Variants in ABTB3 observed in about 807,000 individuals in gnomAD.
ABTB3 encodes the protein ankyrin repeat and BTB domain containing 3, also known as ankyrin repeat- and BTB/POZ domain-containing protein 3.
At chr12:107,469,249 G>T in the ABTB3 span, among the ~76,000 whole-genome samples, 1 of 152,170 alleles carries the variant, frequency 6.6e-6, no homozygotes, top group South Asian at 2.1e-4. Context: ...TGGGTGGTTG[G>T]CTCCCAAAAC....
chr12:107,378,006 C>G, the ABTB3 span, among the ~76,000 whole-genome samples: 3 of 152,148 alleles, frequency 2.0e-5, no homozygotes, highest in Non-Finnish European at 4.4e-5. Flanking sequence ...GGGAACCATG[C>G]AAAGCGAAAA....
the ABTB3 span, among the ~76,000 whole-genome samples, chr12:107,412,495 A>G: frequency 1.3e-5 from 2 of 152,220 alleles, no homozygotes; most frequent in African/African-American, 4.8e-5. Flanking sequence ...TAACCGAGGA[A>G]CACGGAAACG....
chr12:107,477,564 G>A, the ABTB3 span, among the ~76,000 whole-genome samples: 1 of 152,120 alleles, frequency 6.6e-6, no homozygotes, highest in Non-Finnish European at 1.5e-5. Context: ...CCGCCATATA[G>A]GTGGACCTGG....
the ABTB3 span, among the ~76,000 whole-genome samples, chr12:107,635,850 A>ACCCCCCCCCCCCCCCCCCCCCCC: frequency 1.8e-5 from 1 of 56,616 alleles, no homozygotes; most frequent in Admixed American, 2.4e-4. Flanking sequence ...GGGAGGAACA[A>ACCCCCCCCCCCCCCCCCCCCCCC]CCCCCCCCCC....
the ABTB3 span, among the ~76,000 whole-genome samples, chr12:107,629,813 C>T: frequency 6.6e-6 from 1 of 152,198 alleles, no homozygotes; most frequent in Non-Finnish European, 1.5e-5. Context: ...TGGAGCAAGC[C>T]TCAAGTTTGG....
the ABTB3 span, among the ~76,000 whole-genome samples, chr12:107,476,699 G>A: frequency 5.3e-5 from 8 of 152,004 alleles, no homozygotes; most frequent in South Asian, 1.5e-3. Flanking sequence ...ATGGAAATTA[G>A]TGGACCACAG....
chr12:107,574,730 GAGAA>G, the ABTB3 span, among the ~76,000 whole-genome samples: 3 of 152,150 alleles, frequency 2.0e-5, no homozygotes, highest in South Asian at 2.1e-4. Flanking sequence ...AAGGAAGAAA[GAGAA>G]AGAAAGAAAT....
chr12:107,339,577 T>C, the ABTB3 span, among the ~76,000 whole-genome samples: 1 of 152,164 alleles, frequency 6.6e-6, no homozygotes, highest in Non-Finnish European at 1.5e-5. Flanking sequence ...GTACATCGTA[T>C]ATCAAAGGAA....
At chr12:107,575,936 A>G in the ABTB3 span, among the ~76,000 whole-genome samples, 7 of 152,208 alleles carry the variant, frequency 4.6e-5, no homozygotes, top group African/African-American at 1.4e-4. Context: ...TATTTTCCCA[A>G]TGAGAGAACT....
chr12:107,390,419 G>C, the ABTB3 span, among the ~76,000 whole-genome samples: 1 of 152,248 alleles, frequency 6.6e-6, no homozygotes, highest in African/African-American at 2.4e-5. Context: ...AGCCTATGCT[G>C]TTTCCTCTAT....
At chr12:107,482,865 CTCTT>C in the ABTB3 span, among the ~76,000 whole-genome samples, 32 of 149,008 alleles carry the variant, frequency 2.1e-4, no homozygotes, top group East Asian at 8.0e-4. Context: ...TGTTCTCTCT[CTCTT>C]TCTTTCTTCT....
chr12:107,463,705 G>A, the ABTB3 span, among the ~76,000 whole-genome samples: 2 of 152,130 alleles, frequency 1.3e-5, no homozygotes, highest in East Asian at 1.9e-4. Flanking sequence ...TATCTCCATC[G>A]CACCAGGCAT....
At chr12:107,469,077 G>A in the ABTB3 span, among the ~76,000 whole-genome samples, 11 of 152,210 alleles carry the variant, frequency 7.2e-5, no homozygotes, top group Admixed American at 1.3e-4. Flanking sequence ...GTTAAGGGAT[G>A]TGGCTACCTG....
chr12:107,470,880 T>G, the ABTB3 span, among the ~76,000 whole-genome samples: 1 of 152,094 alleles, frequency 6.6e-6, no homozygotes. Flanking sequence ...ACCAGCCAGC[T>G]GGGAGAAATG....
the ABTB3 span, among the ~76,000 whole-genome samples, chr12:107,328,816 G>A: frequency 1.3e-5 from 2 of 152,216 alleles, no homozygotes; most frequent in African/African-American, 4.8e-5. Flanking sequence ...GCCCCCAGGA[G>A]GATCCCAGAA....
the ABTB3 span, chr12:107,581,304 G>A: frequency 2.2e-6 from 3 of 1,383,236 alleles, no homozygotes; most frequent in Non-Finnish European, 2.8e-6. Flanking sequence ...CGCCAGCTCA[G>A]GTAGGCGCGG....
the ABTB3 span, among the ~76,000 whole-genome samples, chr12:107,559,471 C>A: frequency 2.0e-5 from 3 of 151,070 alleles, no homozygotes; most frequent in Non-Finnish European, 4.4e-5. Flanking sequence ...AAGCCTGGTG[C>A]CCAAATGCCT....
At chr12:107,573,184 T>A in the ABTB3 span, among the ~76,000 whole-genome samples, 2 of 152,124 alleles carry the variant, frequency 1.3e-5, no homozygotes, top group Non-Finnish European at 2.9e-5. Context: ...AATCAGGGTG[T>A]GGGGAAGTCA....
the ABTB3 span, among the ~76,000 whole-genome samples, chr12:107,527,180 CT>C: frequency 6.6e-6 from 1 of 152,266 alleles, no homozygotes; most frequent in East Asian, 1.9e-4. Flanking sequence ...TCTTCTTGCA[CT>C]TGTTACCACC....
Sources: allele counts gnomAD v4.1 joint callset (sites outside exome capture counted in the v4.1 genomes callset), GRCh38; gene constraint gnomAD v4.1.1; transcripts MANE v1.5; gene names NCBI Gene and HGNC (gene_info 2026-07-23, HGNC 2026-07-21).